DLG2: variants seen among roughly 807,000 people sequenced by gnomAD.
The protein encoded by DLG2 is disks large homolog 2.
Under a neutral mutation model 132.5 loss-of-function variants are expected in DLG2, and 45 were observed. The observed-to-expected ratio is 0.34, with a 90% CI of 0.27 to 0.44. The LOEUF (loss-of-function observed/expected upper bound fraction) is 0.44. DLG2 is among the 20% of genes least tolerant of loss of function. The pLI, the probability that DLG2 is intolerant of heterozygous loss-of-function variation, is 1.00. For synonymous variants in DLG2, 424 were observed against 419.6 expected (o/e 1.01, Z -0.13); for missense variants, 1,045 against 1,196.9 (o/e 0.87, Z 1.87).
At chr11:83,755,068 T>A (rs2093590816) in intron 18 of DLG2, among the ~76,000 whole-genome samples, 1 of 151,384 alleles carries the variant, frequency 6.6e-6, no homozygotes, top group Non-Finnish European at 1.5e-5. Context: ...ATCATTAACA[T>A]TCAAAAGGTA....
intron 3 of DLG2, among the ~76,000 whole-genome samples, chr11:85,583,372 A>G (rs1327346032): frequency 6.6e-6 from 1 of 150,378 alleles, no homozygotes; most frequent in East Asian, 1.9e-4. Flanking sequence ...GTTGTTGTTG[A>G]GACAGGGTCT....
At chr11:84,977,427 G>A (rs138280794) in intron 6 of DLG2, among the ~76,000 whole-genome samples, 2 of 152,192 alleles carry the variant, frequency 1.3e-5, no homozygotes, top group East Asian at 3.9e-4. Context: ...AGGAATCCAA[G>A]CTACCTGTAG....
At chr11:84,129,552 T>G (rs1013386482) in intron 9 of DLG2, among the ~76,000 whole-genome samples, 1 of 152,122 alleles carries the variant, frequency 6.6e-6, no homozygotes. Flanking sequence ...TGGCCTGTCA[T>G]CTTGCCTCAA....
chr11:84,408,651 G>A (rs1208378933), intron 7 of DLG2, among the ~76,000 whole-genome samples: 3 of 152,138 alleles, frequency 2.0e-5, no homozygotes, highest in Non-Finnish European at 4.4e-5. Context: ...TTCCTACCAA[G>A]TTGGACTAGC....
chr11:84,560,827 T>G (rs188170040), intron 6 of DLG2, among the ~76,000 whole-genome samples: 29 of 152,236 alleles, frequency 1.9e-4, no homozygotes, highest in Non-Finnish European at 3.4e-4. Flanking sequence ...GAAGGAAAAC[T>G]AATAAATTGA....
chr11:83,496,094 AT>A (rs2094133750), intron 21 of DLG2, among the ~76,000 whole-genome samples: 2 of 151,858 alleles, frequency 1.3e-5, no homozygotes, highest in South Asian at 4.1e-4. Context: ...AAAAGTTTTT[AT>A]TCAAAGTATT....
intron 6 of DLG2, among the ~76,000 whole-genome samples, chr11:84,880,556 G>A (rs576652368): frequency 3.9e-4 from 60 of 152,108 alleles, no homozygotes; most frequent in Non-Finnish European, 5.6e-4. Flanking sequence ...ATATGGCCTT[G>A]CAGATGCTTA....
intron 6 of DLG2, among the ~76,000 whole-genome samples, chr11:84,910,875 T>C (rs2091993598): frequency 6.6e-6 from 1 of 152,128 alleles, no homozygotes; most frequent in Non-Finnish European, 1.5e-5. Context: ...AGTGTTACAC[T>C]AGGAATGCAA....
chr11:84,898,115 G>T (rs2090432957), intron 6 of DLG2, among the ~76,000 whole-genome samples: 1 of 151,776 alleles, frequency 6.6e-6, no homozygotes, highest in Non-Finnish European at 1.5e-5. Context: ...AATAAAAATG[G>T]TCACTTTATA....
intron 7 of DLG2, among the ~76,000 whole-genome samples, chr11:84,477,063 A>C (rs1465672856): frequency 6.6e-6 from 1 of 152,208 alleles, no homozygotes; most frequent in Non-Finnish European, 1.5e-5. Context: ...ATCGTGCCTG[A>C]AATATAGTGG....
intron 10 of DLG2, among the ~76,000 whole-genome samples, chr11:84,062,902 A>T (rs1322850023): frequency 1.3e-5 from 2 of 152,102 alleles, no homozygotes; most frequent in Non-Finnish European, 2.9e-5. Flanking sequence ...TTTAAAATTA[A>T]TTTGCTCTCT....
intron 4 of DLG2, among the ~76,000 whole-genome samples, chr11:85,282,532 C>T (rs1239741786): frequency 1.3e-5 from 2 of 151,536 alleles, no homozygotes; most frequent in Admixed American, 1.3e-4. Flanking sequence ...AAAAAACACA[C>T]AAAATGCACA....
At chr11:84,339,121 C>G (rs1281983958) in intron 7 of DLG2, among the ~76,000 whole-genome samples, 1 of 152,118 alleles carries the variant, frequency 6.6e-6, no homozygotes. Flanking sequence ...TCCTCTGTAT[C>G]ACGACACTGT....
At chr11:83,463,411 G>A (rs952486513) in intron 26 of DLG2, among the ~76,000 whole-genome samples, 1 of 152,202 alleles carries the variant, frequency 6.6e-6, no homozygotes, top group Non-Finnish European at 1.5e-5. Flanking sequence ...TGCTGTGAAT[G>A]GATGTTACTC....
At chr11:85,501,276 G>A (rs1236024472) in intron 3 of DLG2, among the ~76,000 whole-genome samples, 2 of 152,050 alleles carry the variant, frequency 1.3e-5, no homozygotes, top group Non-Finnish European at 2.9e-5. Context: ...ACTCAACATG[G>A]ACCAAAGACT....
intron 6 of DLG2, among the ~76,000 whole-genome samples, chr11:84,589,063 A>G (rs756031607): frequency 1.3e-4 from 20 of 152,100 alleles, no homozygotes; most frequent in Admixed American, 3.3e-4. Flanking sequence ...GGGGTCTGGT[A>G]ACACTTTCAA....
intron 3 of DLG2, among the ~76,000 whole-genome samples, chr11:85,494,793 T>C (rs1170467357): frequency 6.6e-6 from 1 of 151,824 alleles, no homozygotes; most frequent in Non-Finnish European, 1.5e-5. Flanking sequence ...ATGAAGCTCT[T>C]CAAAGAAACA....
intron 7 of DLG2, among the ~76,000 whole-genome samples, chr11:84,515,984 A>AACAG (rs60963295): frequency 0.99 from 150,649 of 151,782 alleles, 74,811 homozygotes; most frequent in Middle Eastern, 1. Context: ...CGTGTTCTTG[A>AACAG]ACAATGAGTT....
intron 6 of DLG2, among the ~76,000 whole-genome samples, chr11:84,658,329 G>A (rs1439902799): frequency 1.3e-5 from 2 of 152,070 alleles, no homozygotes; most frequent in East Asian, 3.9e-4. Flanking sequence ...TAGATGAAAT[G>A]TTTGTATCCC....
Sources: allele counts gnomAD v4.1 joint callset (sites outside exome capture counted in the v4.1 genomes callset), GRCh38; gene constraint gnomAD v4.1.1; transcripts MANE v1.5; gene names NCBI Gene and HGNC (gene_info 2026-07-23, HGNC 2026-07-21).